The following TMC6 variants were observed in gnomAD, a reference collection of about 807,000 sequenced individuals.
TMC6 encodes transmembrane channel-like protein 6.
Under a neutral mutation model 95.4 loss-of-function variants are expected in TMC6, and 71 were observed. That is an observed-to-expected ratio of 0.74 (90% CI 0.61 to 0.91). The LOEUF is 0.91. Ranked by LOEUF, TMC6 falls within the 40% of genes least tolerant of loss-of-function variation. The pLI is 0.00. For missense variants in TMC6, 1,074 were observed against 1,079.1 expected (o/e 1.00, Z 0.07); for synonymous variants, 514 against 483.1 (o/e 1.06, Z -0.84).
intron 9 of TMC6, chr17:78,123,082 A>C: frequency 1.2e-5 from 5 of 432,116 alleles, no homozygotes; most frequent in Non-Finnish European, 1.7e-5. Context: ...TGACCAAAAC[A>C]TCTTCCCTGC....
chr17:78,129,060 T>G (rs936319267), upstream of TMC6, among the ~76,000 whole-genome samples: 1 of 150,822 alleles, frequency 6.6e-6, no homozygotes, highest in Non-Finnish European at 1.5e-5. The surrounding 1 kb of genome is among the most constrained non-coding windows in gnomAD (Gnocchi z 4.3). Context: ...ATCGTCCAAG[T>G]AAGATGCCGC....
At position 78,118,258 on chromosome 17, in the gene TMC6, G is replaced by A. The variant is rs560773924; in HGVS notation, c.1888-323C>T. On this transcript the variant is annotated intron_variant, in intron 15 of 19. Coordinates refer to ENST00000590602, the MANE Select transcript of TMC6 (RefSeq NM_001127198.5). The stretch of plus-strand genomic sequence containing the variant: ...GGGATGAGGAAACAAAAGGCCAGAC[G>A]AGACAGGAGCCAGGATGGCCAGGTG... 10 of 445,852 alleles carry A rather than the reference G, an allele frequency of 2.2e-5. No individual in the cohort carries two copies. In the East Asian group the frequency reaches 2.3e-4, roughly 10 times the overall value. 27.6% of individuals were successfully genotyped at this position (445,852 alleles called of 1,614,324 possible).
chr17:78,126,460 G>A (rs931484883), intron 3 of TMC6, 64 bp downstream of exon 3: 18 of 1,609,420 alleles, frequency 1.1e-5, no homozygotes, highest in South Asian at 3.3e-5. Flanking sequence ...TGGGAGGCCC[G>A]TCCTGAGGGG....
chr17:78,131,359 T>C, upstream of TMC6: 1 of 617,020 alleles, frequency 1.6e-6, no homozygotes, highest in Non-Finnish European at 2.8e-6. Context: ...CGCAGCAGGA[T>C]TCTCTCTCAT....
At position 78,124,083 on chromosome 17, in the gene TMC6, G is replaced by C. The variant is rs557036475; in HGVS notation, c.988C>G (p.Pro330Ala). The C allele has an allele frequency of 3.1e-6, 5 of 1,613,450 alleles. No individual in the cohort carries two copies. Among genetic ancestry groups the C allele is most frequent in the African/African-American group, 2.7e-5 (2 of 75,024 alleles). Residue 330 changes from proline to alanine, a missense_variant, in exon 9 of 20, where the codon CCC (proline) becomes GCC (alanine). Coordinates refer to ENST00000590602, the MANE Select transcript of TMC6 (RefSeq NM_001127198.5). Reference sequence around the variant, plus strand: ...TTGTAGGGCAGGCCACCCACCCTGGGTGTGCACTGGCTGCCATCCAGGGGG... The same window carrying C: ...TTGTAGGGCAGGCCACCCACCCTGGCTGTGCACTGGCTGCCATCCAGGGGG... ...GSPLDGSQCT[P>A]RVGGLPYNMP...
At chr17:78,116,548 T>C (rs1282572210) in intron 18 of TMC6, among the ~76,000 whole-genome samples, 1 of 151,686 alleles carries the variant, frequency 6.6e-6, no homozygotes, top group African/African-American at 2.4e-5. Context: ...ATTGGGACTA[T>C]AGGCATGAGC....
chr17:78,120,252 C>A, intron 13 of TMC6: 2 of 363,384 alleles, frequency 5.5e-6, no homozygotes, highest in Non-Finnish European at 1.1e-5. Flanking sequence ...CTCCGCTTCC[C>A]AGGTTCAAGC....
upstream of TMC6, among the ~76,000 whole-genome samples, chr17:78,129,216 A>G (rs910913923): frequency 2.0e-5 from 3 of 151,208 alleles, 1 homozygote; most frequent in Admixed American, 2.0e-4. This position sits in a 1 kb window ranked among gnomAD's most constrained non-coding sequence, Gnocchi z 4.3. Context: ...GGCGGGGTTC[A>G]TTGTTTATCT....
chr17:78,132,292 T>C, upstream of TMC6: 9 of 1,586,992 alleles, frequency 5.7e-6, no homozygotes, highest in Non-Finnish European at 7.7e-6. Flanking sequence ...GGGCCCGCCC[T>C]TGGACTCTCA....
chr17:78,113,131 G>C lies in TMC6; in HGVS notation c.*17C>G. On this transcript the variant is annotated 3_prime_UTR_variant, in exon 20 of 20. Coordinates refer to ENST00000590602, the MANE Select transcript of TMC6 (RefSeq NM_001127198.5). ...CTCAGGGTGCTGGGCGGGCCCGTGA[G>C]GCCCATCGCCGTCCCCCTAGGCATC... The C allele has an allele frequency of 8.4e-6, 13 of 1,551,570 alleles. No individual in the cohort carries two copies. The highest frequency in any genetic ancestry group is 1.0e-5 in the Non-Finnish European group (12 of 1,147,276).
Position 78,124,709 on chromosome 17 carries a change from G to C in TMC6, c.706C>G (p.Arg236Gly), listed in dbSNP as rs753272370. ...CTGGAGCCGAACTGGCCCCCGATGC[G>C]CTTCAGGGCGTAGCGCCACGGCATC... Reference protein sequence around the residue: ...ALMPWRYALKRIGGQFGSSVL... With the variant: ...ALMPWRYALKGIGGQFGSSVL... The change falls in exon 8 of 20, where the codon CGC becomes GGC. Residue 236 changes from arginine to glycine, a missense_variant. Transcript: ENST00000590602. The C allele has an allele frequency of 6.3e-7, 1 of 1,596,260 alleles. No homozygotes were observed. Among genetic ancestry groups the C allele is most frequent in the Admixed American group, 1.8e-5 (1 of 56,930 alleles).
chr17:78,122,989 C>A lies in TMC6; in HGVS notation c.1083-240G>T, dbSNP rs922363535. Reference sequence around the variant, plus strand: ...AGAGGGGGCAGGGCTGCATTCACCGCGGACTTGGCTGGCTGCCTCCCAGCG... The same window carrying A: ...AGAGGGGGCAGGGCTGCATTCACCGAGGACTTGGCTGGCTGCCTCCCAGCG... On this transcript the variant is annotated intron_variant, in intron 9 of 19. Transcript: ENST00000590602. This position sits in a 1 kb window ranked among gnomAD's most constrained non-coding sequence, Gnocchi z 4.9. The A allele has an allele frequency of 6.6e-6, 4 of 607,990 alleles. No individual in the cohort carries two copies. The highest frequency in any genetic ancestry group is 5.5e-5 in the African/African-American group (3 of 54,354). 37.7% of individuals were successfully genotyped at this position (607,990 alleles called of 1,614,324 possible).
intron 9 of TMC6, 47 bp downstream of exon 9, chr17:78,123,942 A>G (rs1272999780): frequency 1.2e-6 from 2 of 1,604,070 alleles, no homozygotes; most frequent in East Asian, 2.2e-5. Flanking sequence ...AGATGAATGG[A>G]TGGATGAGTG....
upstream of TMC6, chr17:78,132,064 C>G (rs571320363): frequency 6.5e-7 from 1 of 1,534,788 alleles, no homozygotes; most frequent in South Asian, 1.2e-5. Flanking sequence ...TCCCCTTGCC[C>G]TCTCTGGAGC....
In TMC6 at chr17:78,121,593, G is replaced by A. The variant is rs777068526; in HGVS notation, c.1346C>T (p.Ala449Val). 2.5e-6 allele frequency: 4 copies of A among 1,611,370 alleles called. No individual in the cohort carries two copies. In the Admixed American group the frequency reaches 5.0e-5, roughly 20 times the overall value. ...CTCCGAGAAGACGTGGACGGCCACG[G>A]CGCAGCCCAGCGCGGTCCCCAGACA... ...LLCLGTALGC[A>V]VAVHVFSEFM... Residue 449 changes from alanine (A) to valine (V), a missense_variant, in exon 11 of 20, where the codon GCC becomes GTC. By Grantham distance (64) the Ala-to-Val change is moderately conservative. Transcript: ENST00000590602. The surrounding 1 kb of genome is among the most constrained non-coding windows in gnomAD (Gnocchi z 5.6).
At position 78,122,368 on chromosome 17, in the gene TMC6, CTA is replaced by C. The variant is rs2074456591; in HGVS notation, c.1227+235_1227+236del. Among the ~76,000 whole-genome samples, 1 of 152,066 alleles carries C rather than the reference CTA, an allele frequency of 6.6e-6. No homozygotes were observed. Among genetic ancestry groups the C allele is most frequent in the Non-Finnish European group, 1.5e-5 (1 of 67,986 alleles). On this transcript the variant is annotated intron_variant, in intron 10 of 19. Coordinates refer to ENST00000590602, the MANE Select transcript of TMC6 (RefSeq NM_001127198.5). The surrounding 1 kb of genome is among the most constrained non-coding windows in gnomAD (Gnocchi z 4.9). Reference sequence around the variant, plus strand: ...GGGTGCCCACGGGGCCATGGCGCTACTACGCGCTAGCAGACAACAGAGGCAGC... The same window carrying C: ...GGGTGCCCACGGGGCCATGGCGCTACCGCGCTAGCAGACAACAGAGGCAGC...
At chr17:78,117,994 C>T (rs1040780213) in intron 15 of TMC6, 59 bp from the exon 16 acceptor site, 12 of 1,561,130 alleles carry the variant, frequency 7.7e-6, no homozygotes, top group African/African-American at 1.3e-5. Context: ...CCCTCCAAGC[C>T]CTGGGGGAGC....
chr17:78,120,222 C>T, intron 13 of TMC6: 1 of 347,694 alleles, frequency 2.9e-6, no homozygotes, highest in Non-Finnish European at 5.5e-6. Flanking sequence ...TGCAGAGGCG[C>T]AATCTCAGCT....
chr17:78,129,786 C>G (rs928253592), upstream of TMC6, among the ~76,000 whole-genome samples: 1 of 152,200 alleles, frequency 6.6e-6, no homozygotes. The surrounding 1 kb of genome is among the most constrained non-coding windows in gnomAD (Gnocchi z 4.3). Flanking sequence ...CTTCCCCCTC[C>G]CTGCATACCC....
Sources: gnomAD v4.1 joint callset for allele counts (sites outside exome capture counted in the v4.1 genomes callset) on GRCh38, gnomAD v4.1.1 for gene constraint, Gnocchi (gnomAD v3.1) non-coding constraint, MANE v1.5 for transcripts, NCBI Gene and HGNC (gene_info 2026-07-23, HGNC 2026-07-21) for gene names.